WDFY2: variants seen among roughly 807,000 people sequenced by gnomAD.
The protein encoded by WDFY2 is WD repeat and FYVE domain-containing protein 2.
In WDFY2, 36 loss-of-function variants were observed where a neutral mutation model predicts 56.4. That is an observed-to-expected ratio of 0.64 (90% CI 0.49 to 0.84). WDFY2 has a LOEUF of 0.84. Among genes scored for constraint, WDFY2 ranks in the 40% least tolerant of loss-of-function variants. WDFY2 has a pLI of 0.00. For missense variants in WDFY2, 444 were observed against 512.2 expected (o/e 0.87, Z 1.29); for synonymous variants, 176 against 183.7 (o/e 0.96, Z 0.34).
chr13:51,650,039 C>T (rs1163385197), intron 1 of WDFY2, among the ~76,000 whole-genome samples: 4 of 151,918 alleles, frequency 2.6e-5, no homozygotes, highest in African/African-American at 9.7e-5. Context: ...ATTGATTCTT[C>T]CTACCCATGA....
chr13:51,588,882 A>G (rs187680634), intron 1 of WDFY2: 84 of 152,278 alleles, frequency 5.5e-4, no homozygotes, highest in African/African-American at 1.9e-3. Flanking sequence ...TCTGGATAAA[A>G]AGGCCTGTGT....
chr13:51,713,846 CAAAAAAAAA>C (rs763208351), intron 4 of WDFY2, among the ~76,000 whole-genome samples: 1 of 55,370 alleles, frequency 1.8e-5, no homozygotes, highest in Non-Finnish European at 3.8e-5. Flanking sequence ...GATTCCATCT[CAAAAAAAAA>C]AAAAAAAAAA....
At chr13:51,684,599 A>G (rs1024004138) in intron 3 of WDFY2, among the ~76,000 whole-genome samples, 4 of 152,052 alleles carry the variant, frequency 2.6e-5, no homozygotes, top group African/African-American at 9.7e-5. Flanking sequence ...CCAGTTTAGC[A>G]TATTCTAAAT....
At chr13:51,670,789 C>A (rs1344193748) in intron 2 of WDFY2, among the ~76,000 whole-genome samples, 1 of 152,054 alleles carries the variant, frequency 6.6e-6, no homozygotes, top group Non-Finnish European at 1.5e-5. Context: ...TGAAAAAGTT[C>A]TTTACTGGTG....
chr13:51,695,675 C>T (rs1281735693), intron 3 of WDFY2, among the ~76,000 whole-genome samples: 1 of 152,250 alleles, frequency 6.6e-6, no homozygotes, highest in South Asian at 2.1e-4. Flanking sequence ...GTTCTCAGAT[C>T]TCTAGCTGTG....
At chr13:51,744,845 T>A (rs1477893845) in intron 7 of WDFY2, among the ~76,000 whole-genome samples, 2 of 152,216 alleles carry the variant, frequency 1.3e-5, no homozygotes, top group Non-Finnish European at 2.9e-5. Context: ...TCGTAACCCC[T>A]AACGTGTAAA....
intron 4 of WDFY2, among the ~76,000 whole-genome samples, chr13:51,717,759 T>C (rs925494029): frequency 6.6e-6 from 1 of 152,194 alleles, no homozygotes; most frequent in African/African-American, 2.4e-5. Context: ...ATCTTGATGG[T>C]GACTGGTACT....
intron 7 of WDFY2, among the ~76,000 whole-genome samples, chr13:51,739,389 A>T (rs531455921): frequency 6.6e-6 from 1 of 152,214 alleles, no homozygotes; most frequent in Non-Finnish European, 1.5e-5. Flanking sequence ...GAGTGCTTAC[A>T]AAAACCATAA....
At chr13:51,637,866 T>A (rs1013846685) in intron 1 of WDFY2, among the ~76,000 whole-genome samples, 19 of 152,270 alleles carry the variant, frequency 1.2e-4, no homozygotes, top group African/African-American at 4.6e-4. Context: ...TTAGGAATGC[T>A]TTTGTTCTCA....
chr13:51,765,419 G>A lies in WDFY2; in HGVS notation c.*5650G>A, dbSNP rs896500098. The A allele has an allele frequency of 2.0e-5, 3 of 152,188 alleles. No individual in the cohort carries two copies. The highest frequency in any genetic ancestry group is 4.4e-5 in the Non-Finnish European group (3 of 68,040). 9.4% of individuals were successfully genotyped at this position (152,188 alleles called of 1,614,324 possible). A position where few individuals can be genotyped will look rare whatever the true frequency, so the allele number is the denominator to read the frequency against. On this transcript the variant is annotated 3_prime_UTR_variant, in exon 12 of 12. Transcript: ENST00000298125. ...GATCGGTCCTAAATTGGAATGGGATGTCTTCCTTGCATGTCCCATACCAGG... is the reference window on the plus strand; with the variant it reads ...GATCGGTCCTAAATTGGAATGGGATATCTTCCTTGCATGTCCCATACCAGG...
intron 1 of WDFY2, among the ~76,000 whole-genome samples, chr13:51,596,596 A>C (rs145115776): frequency 6.6e-6 from 1 of 152,324 alleles, no homozygotes. Context: ...CTCCAAGTGA[A>C]TGGGCTCAGT....
At chr13:51,641,159 G>A (rs1269330809) in intron 1 of WDFY2, among the ~76,000 whole-genome samples, 2 of 151,750 alleles carry the variant, frequency 1.3e-5, no homozygotes, top group African/African-American at 2.4e-5. Context: ...TGCAACCTCC[G>A]CCCTCCGAGT....
intron 6 of WDFY2, among the ~76,000 whole-genome samples, chr13:51,728,293 T>G (rs1014709189): frequency 6.6e-6 from 1 of 152,342 alleles, no homozygotes; most frequent in African/African-American, 2.4e-5. Flanking sequence ...TTCCTTCATA[T>G]CCTTTTCAGG....
At chr13:51,625,645 G>A (rs1263981977) in intron 1 of WDFY2, among the ~76,000 whole-genome samples, 1 of 152,082 alleles carries the variant, frequency 6.6e-6, no homozygotes, top group African/African-American at 2.4e-5. Context: ...CGATACAAAG[G>A]TGGCAGTCAT....
Position 51,723,498 on chromosome 13 carries a change from C to G in WDFY2, c.485+4150C>G, listed in dbSNP as rs955830160. Among the ~76,000 whole-genome samples the G allele has an allele frequency of 7.2e-5, 11 of 152,218 alleles. 1 individual carries two copies. The highest frequency in any genetic ancestry group is 2.6e-4 in the African/African-American group (11 of 41,544). ...TAATGCCACCGCCTTGTTGAAGGTA[C>G]TGAATCAGTTCTCCTGCACACAGTC... On this transcript the variant is annotated intron_variant, in intron 5 of 11. Transcript: ENST00000298125.
chr13:51,756,273 C>A, intron 9 of WDFY2, 59 bp from the exon 10 acceptor site: 1 of 1,560,514 alleles, frequency 6.4e-7, no homozygotes, highest in Non-Finnish European at 8.7e-7. Flanking sequence ...GGGTGAGATG[C>A]GGGGGCCTCA....
intron 4 of WDFY2, among the ~76,000 whole-genome samples, chr13:51,708,286 G>A (rs1952131210): frequency 6.7e-6 from 1 of 149,710 alleles, no homozygotes; most frequent in African/African-American, 2.5e-5. Flanking sequence ...CAGCCCAGGA[G>A]TTTGAGACCA....
In WDFY2 at chr13:51,693,797, A is replaced by G. The variant is rs1459979425; in HGVS notation, c.280-9799A>G. Among the ~76,000 whole-genome samples, 5 of 152,082 alleles carry G rather than the reference A, an allele frequency of 3.3e-5. No homozygotes were observed. In the South Asian group the frequency reaches 8.3e-4, roughly 25 times the overall value. ...TGACAGTGGGGTGTTCAAGTCTCCCATTATTATTGTGTGGGAGTCTAAGTC... is the reference window on the plus strand; with the variant it reads ...TGACAGTGGGGTGTTCAAGTCTCCCGTTATTATTGTGTGGGAGTCTAAGTC... On this transcript the variant is annotated intron_variant, in intron 3 of 11. Coordinates refer to ENST00000298125, the MANE Select transcript of WDFY2 (RefSeq NM_052950.4).
intron 4 of WDFY2, among the ~76,000 whole-genome samples, chr13:51,706,574 A>T (rs931479345): frequency 1.3e-5 from 2 of 152,254 alleles, no homozygotes; most frequent in Admixed American, 1.3e-4. Context: ...TGGATAGAGG[A>T]TGGAATTTTA....
Sources: gnomAD v4.1 joint callset for allele counts (sites outside exome capture counted in the v4.1 genomes callset) on GRCh38, gnomAD v4.1.1 for gene constraint, MANE v1.5 for transcripts, NCBI Gene and HGNC (gene_info 2026-07-23, HGNC 2026-07-21) for gene names.